The following TG variants were observed in gnomAD, a reference collection of about 807,000 sequenced individuals.
TG encodes thyroid hormones.
TG carries 270 observed loss-of-function variants against 324.7 expected under a neutral mutation model. The observed-to-expected ratio is 0.83, with a 90% CI of 0.75 to 0.92. The LOEUF (loss-of-function observed/expected upper bound fraction) is 0.92. Among genes scored for constraint, TG ranks in the 40% least tolerant of loss-of-function variants. The probability of loss-of-function intolerance (pLI) is 0.00; values close to 1 mark genes in which losing one functional copy is unlikely to be tolerated. For missense variants in TG, 3,591 were observed against 3,456.4 expected, an observed-to-expected ratio of 1.04 and a Z score of -0.98; for synonymous variants, 1,401 against 1,327.0, an observed-to-expected ratio of 1.06 and a Z score of -1.21.
At position 132,884,352 on chromosome 8, in the gene TG, A is replaced by G. The variant is rs181645257; in HGVS notation, c.1075+1353A>G. Among the ~76,000 whole-genome samples the G allele has an allele frequency of 1.1e-4, 17 of 152,276 alleles. No individual in the cohort carries two copies. The East Asian group carries it at 3.3e-3, about 29-fold the overall frequency. ...TCTCCTCCTGGTGAAATTTTGAAGG[A>G]TGTTATGATGAGGAAGGGAAGAACC... On this transcript the variant is annotated intron_variant, in intron 8 of 47. Coordinates refer to ENST00000220616, the MANE Select transcript of TG (RefSeq NM_003235.5).
At chr8:133,066,243 G>A (rs558696987) in intron 41 of TG, among the ~76,000 whole-genome samples, 24 of 148,470 alleles carry the variant, frequency 1.6e-4, no homozygotes, top group South Asian at 1.1e-3. Context: ...AGAGAACGGC[G>A]TGAACCCAGA....
chr8:132,935,154 C>G (rs114407671), intron 24 of TG, among the ~76,000 whole-genome samples: 7 of 88,888 alleles, frequency 7.9e-5, no homozygotes, highest in Non-Finnish European at 1.4e-4. Context: ...TTTTTTTTTT[C>G]TTTTGAGACA....
chr8:133,007,994 G>A (rs1202506933), intron 35 of TG, among the ~76,000 whole-genome samples: 8 of 151,980 alleles, frequency 5.3e-5, no homozygotes, highest in Admixed American at 5.2e-4. Flanking sequence ...AAGTTGTCCT[G>A]TTAGAAAATA....
intron 35 of TG, chr8:132,994,880 A>C: frequency 8.2e-7 from 1 of 1,225,236 alleles, no homozygotes; most frequent in Non-Finnish European, 1.0e-6. Flanking sequence ...TGATGGAGTA[A>C]GATTGAGGTA....
At chr8:132,921,438 G>A (rs749291256) in intron 21 of TG, among the ~76,000 whole-genome samples, 3 of 152,234 alleles carry the variant, frequency 2.0e-5, no homozygotes, top group Non-Finnish European at 2.9e-5. Flanking sequence ...GTTGGAGTCT[G>A]TGCTAAGGAT....
chr8:133,097,341 A>G (rs1442704580), intron 43 of TG, among the ~76,000 whole-genome samples: 1 of 152,258 alleles, frequency 6.6e-6, no homozygotes, highest in Non-Finnish European at 1.5e-5. Context: ...TATATACAAG[A>G]GTATTTATTG....
chr8:133,045,585 C>T lies in TG; in HGVS notation c.7239+15562C>T, dbSNP rs141052218. On this transcript the variant is annotated intron_variant, in intron 41 of 47. Transcript: ENST00000220616. ...AATTCTTTTATTTTTTGTAGAGGTG[C>T]AGTGTTGCTACATTGCCCAGGCTGA... Among the ~76,000 whole-genome samples the T allele has an allele frequency of 1.7e-3, 254 of 151,864 alleles. 1 individual carries two copies. Among genetic ancestry groups the T allele is most frequent in the African/African-American group, 5.3e-3 (220 of 41,396 alleles).
At chr8:132,970,710 G>C (rs1172242185) in intron 32 of TG, among the ~76,000 whole-genome samples, 1 of 152,208 alleles carries the variant, frequency 6.6e-6, no homozygotes, top group Non-Finnish European at 1.5e-5. Flanking sequence ...GGATCAGCCT[G>C]ACCGCGGAGC....
chr8:132,917,082 C>CTTCCTTCCTTCA (rs527581820), intron 20 of TG, among the ~76,000 whole-genome samples: 7,924 of 108,826 alleles, frequency 0.073, 903 homozygotes, highest in Non-Finnish European at 0.1. Context: ...TCCTTCCTTC[C>CTTCCTTCCTTCA]TTCCCTTACT....
At chr8:132,869,922 C>T (rs1839326490) in intron 3 of TG, 96 bp downstream of exon 3, 3 of 1,077,012 alleles carry the variant, frequency 2.8e-6, no homozygotes, top group African/African-American at 1.5e-5. Context: ...CTGAGCAGGT[C>T]CTCCCTCTGG....
At chr8:132,923,552 G>A (rs1821403090) in intron 22 of TG, 44 bp downstream of exon 22, 1 of 1,595,300 alleles carries the variant, frequency 6.3e-7, no homozygotes, top group Non-Finnish European at 8.6e-7. Context: ...TGGGGACTGG[G>A]GAGTAGTCTC....
At chr8:132,946,446 A>G (rs1012474113) in intron 26 of TG, among the ~76,000 whole-genome samples, 1 of 152,222 alleles carries the variant, frequency 6.6e-6, no homozygotes, top group African/African-American at 2.4e-5. Context: ...AGTATCGGGC[A>G]GATGTTTTCC....
At chr8:133,116,895 A>C (rs963411739) in intron 45 of TG, among the ~76,000 whole-genome samples, 179 bp downstream of exon 45, 1 of 152,142 alleles carries the variant, frequency 6.6e-6, no homozygotes, top group Admixed American at 6.5e-5. Context: ...TTAAAAAAAA[A>C]AATGGTGTGA....
rs771689423 is a variant in TG, at chr8:132,933,577, G to A, written c.4833G>A (p.Glu1611=). The change falls in exon 24 of 48, where the codon GAG becomes GAA. Residue 1611 remains glutamate (E), a synonymous_variant. Transcript: ENST00000220616. ...MQCLTDCTED[E]ACSFFTVSTT... is the part of the protein sequence containing the mutation. ...TGCTTGCAGATTGCACAGAGGACGAGGCCTGCAGCTTCTTCACCGTGTCCA... is the reference window on the plus strand; with the variant it reads ...TGCTTGCAGATTGCACAGAGGACGAAGCCTGCAGCTTCTTCACCGTGTCCA... The A allele has an allele frequency of 1.9e-6, 3 of 1,613,940 alleles. No homozygotes were observed. The highest frequency in any genetic ancestry group is 1.3e-5 in the African/African-American group (1 of 74,868).
intron 24 of TG, among the ~76,000 whole-genome samples, chr8:132,935,292 C>T (rs138051479): frequency 1.3e-3 from 193 of 152,158 alleles, no homozygotes; most frequent in South Asian, 7.7e-3. Flanking sequence ...AGGCAGACGC[C>T]ACCACACCCG....
intron 45 of TG, among the ~76,000 whole-genome samples, chr8:133,119,717 G>C (rs1850989058): frequency 6.6e-6 from 1 of 152,198 alleles, no homozygotes; most frequent in African/African-American, 2.4e-5. Context: ...AATATTCAGA[G>C]CATAGCAGAG....
intron 24 of TG, 149 bp downstream of exon 24, chr8:132,933,825 CT>C: frequency 1.3e-6 from 1 of 759,676 alleles, no homozygotes; most frequent in Non-Finnish European, 2.3e-6. Flanking sequence ...AGCAATGGGA[CT>C]TTGGCAAATT....
intron 43 of TG, among the ~76,000 whole-genome samples, chr8:133,107,727 A>G (rs1390125052): frequency 6.6e-6 from 1 of 152,192 alleles, no homozygotes; most frequent in Non-Finnish European, 1.5e-5. Context: ...GCTGCACCCA[A>G]TTAGTGTGTC....
At chr8:133,123,741 G>A (rs1851317422) in intron 45 of TG, among the ~76,000 whole-genome samples, 1 of 152,214 alleles carries the variant, frequency 6.6e-6, no homozygotes, top group Non-Finnish European at 1.5e-5. Context: ...CCTGGTCTGT[G>A]CTCTGGGCCC....
Sources: gnomAD v4.1 joint callset for allele counts (sites outside exome capture counted in the v4.1 genomes callset) on GRCh38, gnomAD v4.1.1 for gene constraint, MANE v1.5 for transcripts, NCBI Gene and HGNC (gene_info 2026-07-23, HGNC 2026-07-21) for gene names.